The following PLIN2 variants were observed in gnomAD, a reference collection of about 807,000 sequenced individuals.
PLIN2 encodes the protein perilipin-2.
In PLIN2, 33 loss-of-function variants were observed where a neutral mutation model predicts 30.6. The ratio of observed to expected loss-of-function variants is 1.08; its 90% CI spans 0.82 to 1.44. PLIN2 has a LOEUF of 1.44. Ranked by LOEUF, PLIN2 falls within the 40% of genes most tolerant of loss-of-function variation. The probability of loss-of-function intolerance (pLI) is 0.00; values close to 1 mark genes in which losing one functional copy is unlikely to be tolerated. For missense variants in PLIN2, 610 were observed against 531.8 expected (o/e 1.15, Z -1.45); for synonymous variants, 205 against 201.1 (o/e 1.02, Z -0.16).
At chr9:19,114,994 A>G (rs1469994839), downstream of PLIN2, among the ~76,000 whole-genome samples, 1 of 152,326 alleles carries the variant, frequency 6.6e-6, no homozygotes, top group East Asian at 1.9e-4. Flanking sequence ...CTGGACAGTG[A>G]AGAATCTCCC....
chr9:19,117,576 T>C (rs1490677369), intron 7 of PLIN2, among the ~76,000 whole-genome samples: 1 of 151,794 alleles, frequency 6.6e-6, no homozygotes, highest in Non-Finnish European at 1.5e-5. Context: ...GTGACTCAAC[T>C]ACCCCCACTC....
At chr9:19,111,815 G>C (rs370378206), downstream of PLIN2, among the ~76,000 whole-genome samples, 3 of 151,506 alleles carry the variant, frequency 2.0e-5, no homozygotes, top group East Asian at 5.8e-4. Context: ...TTTTTCCGCA[G>C]CCTTGAACTC....
intron 2 of PLIN2, among the ~76,000 whole-genome samples, chr9:19,110,378 G>T (rs1274577719): frequency 6.6e-6 from 1 of 152,108 alleles, no homozygotes; most frequent in East Asian, 1.9e-4. Context: ...TGAATATAAC[G>T]GTGATGGTTG....
chr9:19,111,475 A>G (rs917002485), downstream of PLIN2, among the ~76,000 whole-genome samples: 2 of 152,130 alleles, frequency 1.3e-5, no homozygotes, highest in African/African-American at 4.8e-5. Context: ...TTTCCTTCTG[A>G]GCACTCTATT....
downstream of PLIN2, among the ~76,000 whole-genome samples, chr9:19,113,824 G>A (rs1347212330): frequency 1.3e-5 from 2 of 150,648 alleles, no homozygotes; most frequent in Non-Finnish European, 3.0e-5. Flanking sequence ...GGACAGGCTG[G>A]AGTGCAATGG....
In PLIN2 at chr9:19,116,075, A is replaced by G. The variant is rs961033446; in HGVS notation, c.*173T>C. 7.3e-6 allele frequency: 4 copies of G among 548,194 alleles called. No homozygotes were observed. In the African/African-American group the frequency reaches 7.5e-5, roughly 10 times the overall value. The allele number at this position is 548,194 out of a possible 1,614,324, so 34.0% of individuals were successfully genotyped here. On this transcript the variant is annotated 3_prime_UTR_variant, in exon 8 of 8. Transcript: ENST00000276914. ...TTTTCTTACCAGGTGAACAGAAATC[A>G]TCTGCTAATGCCAGAAACTTTAAAG...
chr9:19,118,114 G>C (rs10811115), intron 7 of PLIN2, among the ~76,000 whole-genome samples: 8,805 of 152,142 alleles, frequency 0.058, 306 homozygotes, highest in African/African-American at 0.091. Flanking sequence ...TCTCACTTGG[G>C]GCATATGTAT....
chr9:19,111,041 T>C (rs188851433), downstream of PLIN2, among the ~76,000 whole-genome samples: 12 of 152,180 alleles, frequency 7.9e-5, no homozygotes, highest in African/African-American at 2.9e-4. Context: ...CACTTAGTCA[T>C]CTTACTGACA....
Position 19,126,423 on chromosome 9 carries a change from C to A in PLIN2, c.4G>T (p.Ala2Ser). 1.9e-6 allele frequency: 3 copies of A among 1,612,172 alleles called. No homozygotes were observed. The highest frequency in any genetic ancestry group is 2.5e-6 in the Non-Finnish European group (3 of 1,178,688). M[A>S]SVAVDPQPSV... ...GGTTGTGGATCAACTGCAACGGATGCCATTTTTCTTCCTGGAGAAAGAAAT... is the reference window on the plus strand; with the variant it reads ...GGTTGTGGATCAACTGCAACGGATGACATTTTTCTTCCTGGAGAAAGAAAT... Residue 2 changes from alanine to serine, a missense_variant, in exon 2 of 8, where the codon GCA (alanine) becomes TCA (serine). Transcript: ENST00000276914.
At position 19,116,193 on chromosome 9, in the gene PLIN2, A is replaced by G. The variant is rs1818218270; in HGVS notation, c.*55T>C. ...GGTTGCCTAGCAAGTTAATTTCAAC[A>G]TAACAAAAGGTGTCATCTGTCTGGC... is the stretch of plus-strand genomic sequence containing the variant. On this transcript the variant is annotated 3_prime_UTR_variant, in exon 8 of 8. Transcript: ENST00000276914. 1 of 1,487,604 alleles carries G rather than the reference A, an allele frequency of 6.7e-7. No individual in the cohort carries two copies. Among genetic ancestry groups the G allele is most frequent in the Admixed American group, 2.3e-5 (1 of 44,248 alleles). The allele number at this position is 1,487,604 out of a possible 1,614,324, so 92.2% of individuals were successfully genotyped here.
At chr9:19,123,371 C>T (rs1359016179) in intron 4 of PLIN2, 194 bp downstream of exon 4, 2 of 1,550,898 alleles carry the variant, frequency 1.3e-6, no homozygotes, top group Non-Finnish European at 1.7e-6. Context: ...GAGGCTAGTT[C>T]TTCTCTGCTT....
chr9:19,125,099 A>T (rs1334516649), intron 3 of PLIN2, among the ~76,000 whole-genome samples: 1 of 152,228 alleles, frequency 6.6e-6, no homozygotes, highest in East Asian at 1.9e-4. Flanking sequence ...ACTACTAAGT[A>T]TGAGAGTATG....
At chr9:19,109,242 A>C (rs1276584732) in intron 2 of PLIN2, among the ~76,000 whole-genome samples, 6 of 152,166 alleles carry the variant, frequency 3.9e-5, no homozygotes, top group African/African-American at 1.4e-4. Context: ...AATGTTTCTT[A>C]GCAAACAACA....
chr9:19,113,463 G>C (rs1161662872), downstream of PLIN2, among the ~76,000 whole-genome samples: 1 of 151,926 alleles, frequency 6.6e-6, no homozygotes, highest in African/African-American at 2.4e-5. Flanking sequence ...GAAACCAGAA[G>C]CTCCTTATCT....
chr9:19,108,602 ATTG>A (rs1818121528), exon 3 of PLIN2: 1 of 152,636 alleles, frequency 6.6e-6, no homozygotes, highest in African/African-American at 2.4e-5. Flanking sequence ...GGGGTATTTT[ATTG>A]TTGTTAGTTA....
chr9:19,116,735 C>G, intron 7 of PLIN2, 86 bp from the exon 8 acceptor site: 1 of 1,090,228 alleles, frequency 9.2e-7, no homozygotes, highest in Non-Finnish European at 1.3e-6. Flanking sequence ...TATGTGTCCA[C>G]CACATATGTG....
At chr9:19,123,082 T>C (rs900895986) in intron 4 of PLIN2, among the ~76,000 whole-genome samples, 27 of 152,228 alleles carry the variant, frequency 1.8e-4, no homozygotes, top group Admixed American at 1.6e-3. Flanking sequence ...TTTTGTGCCA[T>C]TCTGTATTCT....
chr9:19,112,705 CAAAAAAA>C (rs34857189), downstream of PLIN2, among the ~76,000 whole-genome samples: 6 of 68,568 alleles, frequency 8.8e-5, no homozygotes, highest in African/African-American at 3.1e-4. Context: ...GAGCCCATCT[CAAAAAAA>C]AAAAAAAAAA....
chr9:19,119,744 T>C lies in PLIN2; in HGVS notation c.683A>G (p.His228Arg), dbSNP rs1818283156. 6.2e-7 allele frequency: 1 copy of C among 1,611,578 alleles called. No homozygotes were observed. Among genetic ancestry groups the C allele is most frequent in the Non-Finnish European group, 8.5e-7 (1 of 1,178,120 alleles). ...VRLGSLSTKL[H>R]SRAYQQALSR... Reference sequence around the variant, plus strand: ...GAGAGCCTGCTGGTAGGCACGGGAGTGAAGCTTGGTAGACAGGGATCCCAG... The same window carrying C: ...GAGAGCCTGCTGGTAGGCACGGGAGCGAAGCTTGGTAGACAGGGATCCCAG... The change falls in exon 6 of 8, where the codon CAC (histidine) becomes CGC (arginine). Residue 228 changes from histidine to arginine, a missense_variant. His to Arg is a conservative substitution (Grantham distance 29). Coordinates refer to ENST00000276914, the MANE Select transcript of PLIN2 (RefSeq NM_001122.4).
Sources: gnomAD v4.1 joint callset for allele counts (sites outside exome capture counted in the v4.1 genomes callset) on GRCh38, gnomAD v4.1.1 for gene constraint, MANE v1.5 for transcripts, NCBI Gene and HGNC (gene_info 2026-07-23, HGNC 2026-07-21) for gene names.